PLOD2: variants seen among roughly 807,000 people sequenced by gnomAD.
PLOD2 encodes the protein procollagen-lysine,2-oxoglutarate 5-dioxygenase 2.
In PLOD2, 65 loss-of-function variants were observed where a neutral mutation model predicts 101.0. That is an observed-to-expected ratio of 0.64 (90% CI 0.53 to 0.79). The LOEUF (loss-of-function observed/expected upper bound fraction) is 0.79, where lower values mean the gene tolerates loss of function less well. Ranked by LOEUF, PLOD2 falls within the 30% of genes least tolerant of loss-of-function variation. The pLI is 0.00. For missense variants in PLOD2, 909 were observed against 914.6 expected (o/e 0.99, Z 0.08); for synonymous variants, 314 against 302.9 (o/e 1.04, Z -0.38).
chr3:146,137,435 C>A (rs976937519), intron 1 of PLOD2, among the ~76,000 whole-genome samples: 6 of 152,142 alleles, frequency 3.9e-5, no homozygotes, highest in Non-Finnish European at 1.5e-5. Context: ...TTCTGGTAGA[C>A]ATAGGGTTTT....
At chr3:146,096,828 T>C (rs1203118263) in intron 7 of PLOD2, among the ~76,000 whole-genome samples, 6 of 125,044 alleles carry the variant, frequency 4.8e-5, no homozygotes, top group Non-Finnish European at 3.4e-5. Flanking sequence ...CCGCCCCTAC[T>C]GGGAAGTGAG....
intron 12 of PLOD2, among the ~76,000 whole-genome samples, chr3:146,080,217 C>T (rs761990358): frequency 1.3e-4 from 19 of 148,908 alleles, no homozygotes; most frequent in South Asian, 4.3e-4. Flanking sequence ...TAGTAACAAA[C>T]GCTACACATA....
At chr3:146,159,977 T>C (rs1315290820) in intron 1 of PLOD2, among the ~76,000 whole-genome samples, 1 of 152,124 alleles carries the variant, frequency 6.6e-6, no homozygotes, top group Non-Finnish European at 1.5e-5. Flanking sequence ...AAAGTTCAAG[T>C]AGAAAAGCAC....
intron 2 of PLOD2, chr3:146,123,179 T>C (rs1202908429): frequency 1.4e-5 from 4 of 286,020 alleles, no homozygotes; most frequent in African/African-American, 6.9e-5. Context: ...TTTAATATAC[T>C]ACATACTCAA....
intron 3 of PLOD2, among the ~76,000 whole-genome samples, chr3:146,114,143 T>C (rs1048016821): frequency 1.3e-5 from 2 of 152,144 alleles, no homozygotes; most frequent in Non-Finnish European, 2.9e-5. Flanking sequence ...TGATAAGACG[T>C]TATCAATGAC....
chr3:146,079,021 G>GC, intron 13 of PLOD2, 95 bp downstream of exon 13: 1 of 1,302,220 alleles, frequency 7.7e-7, no homozygotes, highest in Non-Finnish European at 1.1e-6. Context: ...TTACAAATTA[G>GC]CAAGACAAAG....
Position 146,121,253 on chromosome 3 carries a change from A to G in PLOD2, c.202-5T>C. On this transcript the variant is annotated splice_region_variant and splice_polypyrimidine_tract_variant and intron_variant, in intron 2 of 19. Transcript: ENST00000282903. ...TTCTTCTCCTTGACCAAGGACCTAT[A>G]AACAAAATCAACATTTCATTCCTGA... The G allele has an allele frequency of 1.9e-6, 3 of 1,611,672 alleles. No individual in the cohort carries two copies. Among genetic ancestry groups the G allele is most frequent in the South Asian group, 2.2e-5 (2 of 91,034 alleles).
chr3:146,081,804 G>T lies in PLOD2; in HGVS notation c.1292C>A (p.Ala431Glu). The change falls in exon 12 of 20, where the codon GCA becomes GAA. Residue 431 changes from alanine to glutamate, a missense_variant. Transcript: ENST00000282903. ...TGCATAGTATCCATCAGGACTCAAT[G>T]CTCCCCAGAAATTGGACCACAGCTT... is the stretch of plus-strand genomic sequence containing the variant. Reference protein sequence around the residue: ...HGKLWSNFWGALSPDGYYARS... With the variant: ...HGKLWSNFWGELSPDGYYARS... 6.2e-7 allele frequency: 1 copy of T among 1,610,684 alleles called. No homozygotes were observed. Among genetic ancestry groups the T allele is most frequent in the Non-Finnish European group, 8.5e-7 (1 of 1,177,098 alleles).
chr3:146,160,840 G>T, intron 1 of PLOD2, 41 bp downstream of exon 1: 1 of 1,311,704 alleles, frequency 7.6e-7, no homozygotes, highest in South Asian at 1.3e-5. Context: ...CCCCCCGCCG[G>T]CCGAGCCTCG....
chr3:146,106,621 C>T lies in PLOD2; in HGVS notation c.526G>A (p.Val176Ile), dbSNP rs1371055936. ...TTCCATTGTTGAACTATACGGTTGA[C>T]ATATGGAGCATAGCCAATAAATCCT... Reference protein sequence around the residue: ...SGGFIGYAPYVNRIVQQWNLQ... With the variant: ...SGGFIGYAPYINRIVQQWNLQ... Residue 176 changes from valine (V) to isoleucine (I), a missense_variant, in exon 5 of 20, where the codon GTC becomes ATC. Transcript: ENST00000282903. 1 of 1,570,550 alleles carries T rather than the reference C, an allele frequency of 6.4e-7. No homozygotes were observed. Among genetic ancestry groups the T allele is most frequent in the Admixed American group, 1.7e-5 (1 of 59,968 alleles).
At chr3:146,143,203 A>C (rs887179115) in intron 1 of PLOD2, among the ~76,000 whole-genome samples, 3 of 151,954 alleles carry the variant, frequency 2.0e-5, no homozygotes, top group Non-Finnish European at 4.4e-5. Context: ...CATTACAGAC[A>C]CAAAGAAGAC....
At chr3:146,147,007 C>G (rs56683042) in intron 1 of PLOD2, among the ~76,000 whole-genome samples, 1,574 of 152,248 alleles carry the variant, frequency 0.01, 34 homozygotes, top group African/African-American at 0.036. Flanking sequence ...GGCAGAGAAG[C>G]TTCCGAGGTT....
chr3:146,154,899 C>T (rs2032227952), intron 1 of PLOD2, among the ~76,000 whole-genome samples: 1 of 152,164 alleles, frequency 6.6e-6, no homozygotes, highest in African/African-American at 2.4e-5. Context: ...CAAAAGTACA[C>T]TTCCCTCTTT....
chr3:146,124,006 T>C lies in PLOD2; in HGVS notation c.201+132A>G. On this transcript the variant is annotated intron_variant, in intron 2 of 19. Coordinates refer to ENST00000282903, the MANE Select transcript of PLOD2 (RefSeq NM_182943.3). Reference sequence around the variant, plus strand: ...AGGAAATATTAATAAAGCCAAAAACTACATGAACTAACAGTAATTATGTAA... The same window carrying C: ...AGGAAATATTAATAAAGCCAAAAACCACATGAACTAACAGTAATTATGTAA... 8 of 652,470 alleles carry C rather than the reference T, an allele frequency of 1.2e-5. 1 individual carries two copies. The South Asian group carries it at 1.3e-4, about 11-fold the overall frequency. The allele number at this position is 652,470 out of a possible 1,614,324, so 40.4% of individuals were successfully genotyped here.
At chr3:146,137,627 A>G (rs1365152809) in intron 1 of PLOD2, among the ~76,000 whole-genome samples, 2 of 152,166 alleles carry the variant, frequency 1.3e-5, no homozygotes, top group African/African-American at 4.8e-5. Context: ...GTGCTTTTCA[A>G]GCATTAGCAT....
intron 1 of PLOD2, among the ~76,000 whole-genome samples, chr3:146,131,754 C>T (rs994524777): frequency 1.8e-4 from 28 of 152,262 alleles, no homozygotes; most frequent in Admixed American, 1.8e-3. Context: ...TTTCATTGCA[C>T]ACAATTTTGT....
At chr3:146,137,690 A>AC in intron 1 of PLOD2, among the ~76,000 whole-genome samples, 1 of 152,250 alleles carries the variant, frequency 6.6e-6, no homozygotes, top group South Asian at 2.1e-4. Flanking sequence ...GTTGGGTCAC[A>AC]CCCCAAGAGT....
In PLOD2 at chr3:146,070,028, C is replaced by T. The variant is rs1429977128; in HGVS notation, c.*689G>A. 1 of 151,800 alleles carries T rather than the reference C, an allele frequency of 6.6e-6. No individual in the cohort carries two copies. Among genetic ancestry groups the T allele is most frequent in the Non-Finnish European group, 1.5e-5 (1 of 67,846 alleles). The allele number at this position is 151,800 out of a possible 1,614,324, so 9.4% of individuals were successfully genotyped here. ...AATCTAATACCTGCTTAATATAATCCACTTTGGAAGATTCATCTGAAAGAA... is the reference window on the plus strand; with the variant it reads ...AATCTAATACCTGCTTAATATAATCTACTTTGGAAGATTCATCTGAAAGAA... On this transcript the variant is annotated 3_prime_UTR_variant, in exon 20 of 20. Transcript: ENST00000282903.
intron 1 of PLOD2, among the ~76,000 whole-genome samples, chr3:146,125,301 T>C (rs1017725125): frequency 6.6e-5 from 10 of 152,140 alleles, no homozygotes; most frequent in Non-Finnish European, 1.3e-4. Flanking sequence ...TGAACCAATG[T>C]ATCTATCTGT....
Sources: allele counts gnomAD v4.1 joint callset (sites outside exome capture counted in the v4.1 genomes callset), GRCh38; gene constraint gnomAD v4.1.1; transcripts MANE v1.5; gene names NCBI Gene and HGNC (gene_info 2026-07-23, HGNC 2026-07-21).